The following RBPMS variants were observed in gnomAD, a reference collection of about 807,000 sequenced individuals.
The protein encoded by RBPMS is RNA-binding protein with multiple splicing.
Under a neutral mutation model 26.8 loss-of-function variants are expected in RBPMS, and 7 were observed. That is an observed-to-expected ratio of 0.26 (90% confidence interval 0.15 to 0.49). The LOEUF (loss-of-function observed/expected upper bound fraction) is 0.49, where lower values mean the gene tolerates loss of function less well. Ranked by LOEUF, RBPMS falls within the 20% of genes least tolerant of loss-of-function variation. The probability of loss-of-function intolerance (pLI) is 0.98; values close to 1 mark genes in which losing one functional copy is unlikely to be tolerated. For synonymous variants in RBPMS, 96 were observed against 93.3 expected, an observed-to-expected ratio of 1.03 and a Z score of -0.17; for missense variants, 186 against 250.0, an observed-to-expected ratio of 0.74 and a Z score of 1.73.
rs1827214059 is a variant in RBPMS, at chr8:30,558,892, C to T, written c.534C>T (p.Arg178=). The T allele has an allele frequency of 6.2e-7, 1 of 1,613,948 alleles. No individual in the cohort carries two copies. Among genetic ancestry groups the T allele is most frequent in the Admixed American group, 1.7e-5 (1 of 60,008 alleles). The change falls in exon 7 of 9, where the codon CGC becomes CGT. Residue 178 remains arginine, a synonymous_variant. Coordinates refer to ENST00000397323, the MANE Select transcript of RBPMS (RefSeq NM_001008710.3). ...CTTCTCCCATGTCTTTTCAGATGCG[C>T]TGGCTCCCTCCCTCCGAGGCTACTT... is the stretch of plus-strand genomic sequence containing the variant. ...TYPASLHAQM[R]WLPPSEATSQ...
At chr8:30,434,995 G>GACAT (rs1364064907) in intron 1 of RBPMS, among the ~76,000 whole-genome samples, 1 of 147,876 alleles carries the variant, frequency 6.8e-6, no homozygotes, top group African/African-American at 2.6e-5. Context: ...TTCCAAAGAA[G>GACAT]ACATCCATCC....
intron 1 of RBPMS, among the ~76,000 whole-genome samples, chr8:30,425,817 C>T (rs1435318544): frequency 1.3e-5 from 2 of 152,068 alleles, no homozygotes. Context: ...CTAAGTTCTC[C>T]TAACAATCCT....
intron 4 of RBPMS, among the ~76,000 whole-genome samples, chr8:30,489,132 G>A (rs1014009733): frequency 3.3e-5 from 5 of 150,312 alleles, no homozygotes; most frequent in South Asian, 2.1e-4. Flanking sequence ...CTACAGCCTC[G>A]ACATCCTGGC....
chr8:30,439,090 G>C (rs1057182033), intron 1 of RBPMS, among the ~76,000 whole-genome samples: 4 of 152,158 alleles, frequency 2.6e-5, no homozygotes, highest in East Asian at 1.9e-4. Context: ...TGTTTGCTGA[G>C]GGGGAATATC....
intron 1 of RBPMS, among the ~76,000 whole-genome samples, chr8:30,434,592 T>C (rs889030312): frequency 6.6e-6 from 1 of 150,582 alleles, no homozygotes; most frequent in African/African-American, 2.4e-5. Context: ...TAAACCCAGC[T>C]ACCCAGGAGG....
chr8:30,519,641 G>A (rs557088676), intron 5 of RBPMS, among the ~76,000 whole-genome samples: 88 of 151,862 alleles, frequency 5.8e-4, no homozygotes, highest in Non-Finnish European at 1.0e-3. Context: ...CCACCACTGC[G>A]CCCGGCTAAT....
chr8:30,552,771 G>A (rs1036703163), intron 6 of RBPMS: 24 of 152,218 alleles, frequency 1.6e-4, no homozygotes, highest in Non-Finnish European at 2.9e-5. Context: ...AGGACAGACA[G>A]GAAAAGAGTC....
chr8:30,568,475 C>G (rs1330609438), intron 8 of RBPMS, among the ~76,000 whole-genome samples: 3 of 152,192 alleles, frequency 2.0e-5, no homozygotes, highest in African/African-American at 4.8e-5. Flanking sequence ...ACCAAAGACC[C>G]AAAATGCAGT....
chr8:30,443,423 A>G (rs1463463530), intron 1 of RBPMS, among the ~76,000 whole-genome samples: 1 of 152,184 alleles, frequency 6.6e-6, no homozygotes, highest in East Asian at 1.9e-4. Flanking sequence ...ATCAAGCTCT[A>G]ACACCAGCTG....
chr8:30,548,129 T>A (rs1286002689), intron 6 of RBPMS, among the ~76,000 whole-genome samples: 1 of 152,222 alleles, frequency 6.6e-6, no homozygotes, highest in East Asian at 1.9e-4. Context: ...TTTTTAAAAG[T>A]GATCATCCAG....
intron 4 of RBPMS, among the ~76,000 whole-genome samples, chr8:30,495,286 T>G (rs1206179182): frequency 6.6e-6 from 1 of 152,120 alleles, no homozygotes; most frequent in Non-Finnish European, 1.5e-5. Flanking sequence ...GAAGGTTTTT[T>G]TTTTTTTTTT....
At chr8:30,531,106 GATTTGAAC>G (rs1044068506) in intron 5 of RBPMS, among the ~76,000 whole-genome samples, 2 of 151,606 alleles carry the variant, frequency 1.3e-5, no homozygotes, top group African/African-American at 4.8e-5. Flanking sequence ...CTAGCTCTTA[GATTTGAAC>G]ATTAAGGTAT....
intron 4 of RBPMS, among the ~76,000 whole-genome samples, chr8:30,503,716 C>T (rs919512841): frequency 6.6e-6 from 1 of 152,118 alleles, no homozygotes; most frequent in African/African-American, 2.4e-5. Flanking sequence ...TTCCAGACCA[C>T]ACCATGAAAA....
At chr8:30,547,646 G>C (rs1038804836) in intron 6 of RBPMS, 2 of 521,334 alleles carry the variant, frequency 3.8e-6, no homozygotes, top group African/African-American at 2.0e-5. Context: ...GAAGGACTCA[G>C]AACGAGCTTC....
At chr8:30,519,183 C>T (rs1238089669) in intron 5 of RBPMS, among the ~76,000 whole-genome samples, 1 of 152,046 alleles carries the variant, frequency 6.6e-6, no homozygotes, top group African/African-American at 2.4e-5. Context: ...TGGGTTTTAT[C>T]TGCTTGGAGG....
chr8:30,445,629 CAT>C lies in RBPMS; in HGVS notation c.67-29147_67-29146del, dbSNP rs974082061. 4.8e-4 allele frequency among the ~76,000 whole-genome samples: 56 copies of C among 116,760 alleles called. 1 individual carries two copies. Among genetic ancestry groups the C allele is most frequent in the Admixed American group, 3.1e-3 (35 of 11,154 alleles). The allele number at this position is 116,760 out of a possible 152,430, so 76.6% of individuals were successfully genotyped here. A position where few individuals can be genotyped will look rare whatever the true frequency, so the allele number is the denominator to read the frequency against. On this transcript the variant is annotated intron_variant, in intron 1 of 8. Transcript: ENST00000397323. Reference sequence around the variant, plus strand: ...TTAGTCTATTACATGTATACACACACATATGTAGATATACACACGGATATATA... The same window carrying C: ...TTAGTCTATTACATGTATACACACACATGTAGATATACACACGGATATATA...
chr8:30,555,837 C>A, intron 6 of RBPMS: 1 of 978,490 alleles, frequency 1.0e-6, no homozygotes, highest in African/African-American at 1.7e-5. Flanking sequence ...GAACAAGCAG[C>A]CCGAATGGGG....
chr8:30,410,184 A>G (rs554550714), intron 1 of RBPMS, among the ~76,000 whole-genome samples: 2 of 145,884 alleles, frequency 1.4e-5, no homozygotes, highest in East Asian at 4.0e-4. Context: ...ACACACACAC[A>G]CACACACTTA....
At chr8:30,532,637 TCAC>T (rs1469201932) in intron 5 of RBPMS, among the ~76,000 whole-genome samples, 1 of 152,198 alleles carries the variant, frequency 6.6e-6, no homozygotes, top group Non-Finnish European at 1.5e-5. Context: ...GAGTCACCTT[TCAC>T]CACCATACGC....
Sources: gnomAD v4.1 joint callset for allele counts (sites outside exome capture counted in the v4.1 genomes callset) on GRCh38, gnomAD v4.1.1 for gene constraint, MANE v1.5 for transcripts, NCBI Gene and HGNC (gene_info 2026-07-23, HGNC 2026-07-21) for gene names.